Variants in MBTD1 observed in about 807,000 individuals in gnomAD.
MBTD1 encodes mbt domain containing 1.
In MBTD1, 24 loss-of-function variants were observed where a neutral mutation model predicts 87.8. The ratio of observed to expected loss-of-function variants is 0.27; its 90% confidence interval spans 0.20 to 0.38. The LOEUF is 0.38. Among genes scored for constraint, MBTD1 ranks in the 10% least tolerant of loss-of-function variants. The pLI is 1.00. For missense variants in MBTD1, 436 were observed against 760.2 expected, an observed-to-expected ratio of 0.57 and a Z score of 5.02; for synonymous variants, 237 against 248.6, an observed-to-expected ratio of 0.95 and a Z score of 0.44.
At chr17:51,240,124 AAAG>A (rs2054080814) in intron 2 of MBTD1, among the ~76,000 whole-genome samples, 1 of 152,154 alleles carries the variant, frequency 6.6e-6, no homozygotes, top group South Asian at 2.1e-4. Context: ...ACTGTTCTCA[AAAG>A]TCTTTTTTTC....
At chr17:51,259,116 G>T in intron 2 of MBTD1, 27 bp downstream of exon 2, 1 of 447,912 alleles carries the variant, frequency 2.2e-6, no homozygotes, top group Non-Finnish European at 3.7e-6. Flanking sequence ...TGCTTTTAGG[G>T]GTGTAAGCAG....
chr17:51,243,102 G>C (rs1598419974), intron 2 of MBTD1, among the ~76,000 whole-genome samples: 1 of 152,186 alleles, frequency 6.6e-6, no homozygotes, highest in African/African-American at 2.4e-5. Flanking sequence ...TGGGATTGCT[G>C]TGTAGGATAT....
chr17:51,236,534 T>A (rs1031617608), intron 2 of MBTD1, among the ~76,000 whole-genome samples: 2 of 152,182 alleles, frequency 1.3e-5, no homozygotes, highest in African/African-American at 4.8e-5. Context: ...CATGAGCTGC[T>A]GCGTCTGGCC....
intron 12 of MBTD1, among the ~76,000 whole-genome samples, chr17:51,196,347 C>T (rs1338946949): frequency 2.0e-5 from 3 of 151,814 alleles, no homozygotes; most frequent in African/African-American, 7.3e-5. Flanking sequence ...CCTCAGCCTC[C>T]CAAGTAGCTG....
rs2050211952 is a variant in MBTD1 at position 51,179,494 on chromosome 17, A to ATATATATATATT, written c.*1081_*1082insAATATATATATA. 5.8e-4 allele frequency: 24 copies of ATATATATATATT among 41,454 alleles called. No homozygotes were observed. Among genetic ancestry groups the ATATATATATATT allele is most frequent in the East Asian group, 1.6e-3 (2 of 1,240 alleles). The allele number at this position is 41,454 out of a possible 1,614,324, so 2.6% of individuals were successfully genotyped here. A position where few individuals can be genotyped will look rare whatever the true frequency, so the allele number is the denominator to read the frequency against. ...CAATTAAAGACAATTTTATATATAT[A>ATATATATATATT]TATATATATATATATATATATATAT... On this transcript the variant is annotated 3_prime_UTR_variant, in exon 17 of 17. Transcript: ENST00000586178.
chr17:51,253,933 C>A (rs2054936664), intron 2 of MBTD1, among the ~76,000 whole-genome samples: 1 of 152,078 alleles, frequency 6.6e-6, no homozygotes, highest in South Asian at 2.1e-4. Context: ...ATCTTAAATG[C>A]AGGTGTCAAT....
At chr17:51,229,948 G>A (rs769473561) in intron 2 of MBTD1, among the ~76,000 whole-genome samples, 6 of 152,100 alleles carry the variant, frequency 3.9e-5, no homozygotes, top group Non-Finnish European at 8.8e-5. Flanking sequence ...GTGAGCCACT[G>A]CACCCAGCCA....
At chr17:51,251,974 A>G (rs1254903047) in intron 2 of MBTD1, among the ~76,000 whole-genome samples, 1 of 152,212 alleles carries the variant, frequency 6.6e-6, no homozygotes, top group African/African-American at 2.4e-5. Context: ...CATGTTGGCC[A>G]GGCTGATCTC....
Position 51,201,663 on chromosome 17 carries a change from T to C in MBTD1, c.1153A>G (p.Lys385Glu). ...KEVDQSGEWF[K>E]EGMKLEAIDP... ...ATAGCTTCCAATTTCATTCCTTCCT[T>C]GAACCATTCCCCACTCTGGTCTACT... is the stretch of plus-strand genomic sequence containing the variant. Residue 385 changes from lysine to glutamate, a missense_variant, in exon 12 of 17, where the codon AAG (lysine) becomes GAG (glutamate). Coordinates refer to ENST00000586178, the MANE Select transcript of MBTD1 (RefSeq NM_017643.3). The C allele has an allele frequency of 6.2e-7, 1 of 1,611,672 alleles. No homozygotes were observed. The highest frequency in any genetic ancestry group is 8.5e-7 in the Non-Finnish European group (1 of 1,178,312).
intron 12 of MBTD1, among the ~76,000 whole-genome samples, chr17:51,199,676 G>C (rs2051347426): frequency 6.6e-6 from 1 of 151,886 alleles, no homozygotes; most frequent in African/African-American, 2.4e-5. Context: ...TCCTGACCTT[G>C]TGATTCGCCC....
At chr17:51,190,630 G>GC (rs2050746673) in intron 16 of MBTD1, among the ~76,000 whole-genome samples, 1 of 146,518 alleles carries the variant, frequency 6.8e-6, no homozygotes, top group Admixed American at 6.9e-5. Flanking sequence ...GCTGAGGTGG[G>GC]AGAATTGCTT....
chr17:51,235,214 C>T (rs571166302), intron 2 of MBTD1, among the ~76,000 whole-genome samples: 21 of 152,080 alleles, frequency 1.4e-4, no homozygotes, highest in African/African-American at 4.8e-4. Context: ...TGGCTTACTG[C>T]GACTTCCGCC....
chr17:51,248,355 A>G (rs2054572613), intron 2 of MBTD1, among the ~76,000 whole-genome samples: 2 of 152,180 alleles, frequency 1.3e-5, no homozygotes, highest in Non-Finnish European at 2.9e-5. Flanking sequence ...CTTTAAATGT[A>G]TTCCACAGAT....
At chr17:51,220,552 G>GA in intron 3 of MBTD1, 89 bp from the exon 4 acceptor site, 1 of 1,267,976 alleles carries the variant, frequency 7.9e-7, no homozygotes, top group Non-Finnish European at 1.1e-6. Context: ...CCTGCCATCT[G>GA]AAAGTTTTAA....
At chr17:51,243,864 C>T (rs1422293050) in intron 2 of MBTD1, among the ~76,000 whole-genome samples, 1 of 152,120 alleles carries the variant, frequency 6.6e-6, no homozygotes, top group Non-Finnish European at 1.5e-5. Context: ...AGCCCCTTCC[C>T]CCTTAACAGA....
chr17:51,233,089 A>AGG (rs1357422726), intron 2 of MBTD1, among the ~76,000 whole-genome samples: 3 of 133,986 alleles, frequency 2.2e-5, no homozygotes, highest in Non-Finnish European at 4.8e-5. Flanking sequence ...AAAAAAAGTG[A>AGG]GGGAGAGAGA....
intron 6 of MBTD1, among the ~76,000 whole-genome samples, chr17:51,216,531 T>G (rs1196559798): frequency 6.6e-6 from 1 of 152,178 alleles, no homozygotes; most frequent in Non-Finnish European, 1.5e-5. Flanking sequence ...TATATATATA[T>G]AGCACATATT....
chr17:51,247,648 T>C (rs140347765), intron 2 of MBTD1, among the ~76,000 whole-genome samples: 1 of 152,218 alleles, frequency 6.6e-6, no homozygotes, highest in African/African-American at 2.4e-5. Context: ...CAAGTCTCAC[T>C]ACAATTGCCC....
chr17:51,217,018 C>A (rs1355393016), intron 6 of MBTD1, among the ~76,000 whole-genome samples: 1 of 151,996 alleles, frequency 6.6e-6, no homozygotes, highest in Admixed American at 6.6e-5. Context: ...CTGGGCAACA[C>A]AGCGAGACCA....
Sources: gnomAD v4.1 joint callset for allele counts (sites outside exome capture counted in the v4.1 genomes callset) on GRCh38, gnomAD v4.1.1 for gene constraint, MANE v1.5 for transcripts, NCBI Gene and HGNC (gene_info 2026-07-23, HGNC 2026-07-21) for gene names.